The following CTNNA3 variants were observed in gnomAD, a reference collection of about 807,000 sequenced individuals.
The protein encoded by CTNNA3 is catenin alpha-3.
Under a neutral mutation model 95.7 loss-of-function variants are expected in CTNNA3, and 76 were observed. The ratio of observed to expected loss-of-function variants is 0.79; its 90% CI spans 0.66 to 0.96. CTNNA3 has a LOEUF of 0.96. Among genes scored for constraint, CTNNA3 ranks in the 40% least tolerant of loss-of-function variants. CTNNA3 has a pLI of 0.00. For synonymous variants in CTNNA3, 431 were observed against 374.4 expected (o/e 1.15, Z -1.74); for missense variants, 1,191 against 1,089.8 (o/e 1.09, Z -1.31).
intron 16 of CTNNA3, among the ~76,000 whole-genome samples, chr10:65,969,339 A>G (rs2078047634): frequency 6.6e-6 from 1 of 152,186 alleles, no homozygotes; most frequent in Non-Finnish European, 1.5e-5. Context: ...GATGAGAAAG[A>G]ACCAGTGTAA....
chr10:67,054,236 T>C (rs1855287700), intron 7 of CTNNA3, among the ~76,000 whole-genome samples: 1 of 152,060 alleles, frequency 6.6e-6, no homozygotes, highest in Admixed American at 6.5e-5. Context: ...ACCCCAATAA[T>C]ATAAATTTGT....
intron 9 of CTNNA3, among the ~76,000 whole-genome samples, chr10:66,714,717 C>A (rs975017537): frequency 6.6e-6 from 1 of 152,128 alleles, no homozygotes; most frequent in African/African-American, 2.4e-5. Context: ...GTCAGAAGCT[C>A]TGGAGGTGGG....
intron 10 of CTNNA3, among the ~76,000 whole-genome samples, chr10:66,578,293 T>C (rs1843069414): frequency 6.6e-6 from 1 of 151,960 alleles, no homozygotes. Flanking sequence ...TCCTCTCTAT[T>C]TGGATGCCTT....
At chr10:66,325,771 G>A (rs1773043332) in intron 12 of CTNNA3, among the ~76,000 whole-genome samples, 2 of 152,058 alleles carry the variant, frequency 1.3e-5, no homozygotes, top group African/African-American at 4.8e-5. Context: ...ATCTAGGACT[G>A]AAAATTGTCT....
intron 5 of CTNNA3, among the ~76,000 whole-genome samples, chr10:67,516,317 C>T (rs1054782392): frequency 2.6e-5 from 4 of 152,192 alleles, no homozygotes; most frequent in African/African-American, 4.8e-5. Context: ...AGCTGATTCA[C>T]TACTTTTTTC....
chr10:67,577,587 G>A lies in CTNNA3; in HGVS notation c.292+29270C>T, dbSNP rs375702855. Reference sequence around the variant, plus strand: ...TGCCATTGCTTTTGGTGTTTTAGACGTGAAACACCCATGCCTATGTCCTGA... The same window carrying A: ...TGCCATTGCTTTTGGTGTTTTAGACATGAAACACCCATGCCTATGTCCTGA... On this transcript the variant is annotated intron_variant, in intron 3 of 17. Coordinates refer to ENST00000433211, the MANE Select transcript of CTNNA3 (RefSeq NM_013266.4). 1.2e-4 allele frequency among the ~76,000 whole-genome samples: 18 copies of A among 151,876 alleles called. No individual in the cohort carries two copies. In the East Asian group the frequency reaches 2.1e-3, roughly 18 times the overall value.
intron 13 of CTNNA3, among the ~76,000 whole-genome samples, chr10:66,212,128 T>C (rs1389207996): frequency 6.6e-6 from 1 of 151,838 alleles, no homozygotes; most frequent in African/African-American, 2.4e-5. Context: ...TAGCTAGGGT[T>C]GTAGGCACCC....
chr10:67,050,900 T>C (rs553484925), intron 7 of CTNNA3, among the ~76,000 whole-genome samples: 17 of 152,362 alleles, frequency 1.1e-4, no homozygotes, highest in African/African-American at 3.8e-4. Context: ...CAAATGATTC[T>C]TTATTTGCCA....
At chr10:66,739,943 G>T in intron 9 of CTNNA3, among the ~76,000 whole-genome samples, 1 of 152,082 alleles carries the variant, frequency 6.6e-6, no homozygotes, top group Non-Finnish European at 1.5e-5. Flanking sequence ...AAAACATGAA[G>T]AACAAAGCCC....
At chr10:66,110,913 C>A (rs2082098649) in intron 13 of CTNNA3, among the ~76,000 whole-genome samples, 1 of 152,136 alleles carries the variant, frequency 6.6e-6, no homozygotes, top group Non-Finnish European at 1.5e-5. Context: ...GGCTACAAAC[C>A]TGTATGGCAT....
At chr10:67,373,683 G>C (rs980214020) in intron 5 of CTNNA3, among the ~76,000 whole-genome samples, 1 of 152,108 alleles carries the variant, frequency 6.6e-6, no homozygotes, top group Non-Finnish European at 1.5e-5. Context: ...AAGCTACAGA[G>C]GAGTTGTATA....
At chr10:67,312,082 T>A (rs946427733) in intron 5 of CTNNA3, among the ~76,000 whole-genome samples, 2 of 151,276 alleles carry the variant, frequency 1.3e-5, no homozygotes, top group African/African-American at 4.8e-5. Flanking sequence ...TTACTTTTTT[T>A]TTTTTTTTGA....
chr10:67,423,096 C>T (rs1845804881), intron 5 of CTNNA3, among the ~76,000 whole-genome samples: 1 of 152,030 alleles, frequency 6.6e-6, no homozygotes, highest in Non-Finnish European at 1.5e-5. Flanking sequence ...ATAAGCCACC[C>T]AAACAATTAG....
chr10:67,557,803 A>T (rs1841312251), intron 3 of CTNNA3, among the ~76,000 whole-genome samples: 1 of 152,220 alleles, frequency 6.6e-6, no homozygotes, highest in South Asian at 2.1e-4. Context: ...TTCTAATGCC[A>T]CCATAGCTCT....
intron 5 of CTNNA3, among the ~76,000 whole-genome samples, chr10:67,503,701 A>T (rs1839304684): frequency 6.6e-6 from 1 of 152,200 alleles, no homozygotes; most frequent in Admixed American, 6.5e-5. Flanking sequence ...GGGTGATAAC[A>T]TCTATTCCAT....
intron 6 of CTNNA3, among the ~76,000 whole-genome samples, chr10:67,215,399 T>C (rs1864311267): frequency 6.6e-6 from 1 of 152,170 alleles, no homozygotes; most frequent in Admixed American, 6.6e-5. Flanking sequence ...ATGGCTTATT[T>C]GTGTGTCTTG....
intron 7 of CTNNA3, among the ~76,000 whole-genome samples, chr10:67,037,800 G>C (rs1447338710): frequency 6.6e-6 from 1 of 152,152 alleles, no homozygotes; most frequent in East Asian, 1.9e-4. Flanking sequence ...GGTAGTTACA[G>C]TCAGTGAGTT....
At chr10:67,540,701 C>T (rs992226112) in intron 3 of CTNNA3, among the ~76,000 whole-genome samples, 1 of 151,782 alleles carries the variant, frequency 6.6e-6, no homozygotes, top group African/African-American at 2.4e-5. Flanking sequence ...TATAAGAAAA[C>T]ATATTTTATA....
At chr10:65,967,598 C>T (rs1459109799) in intron 16 of CTNNA3, among the ~76,000 whole-genome samples, 1 of 152,152 alleles carries the variant, frequency 6.6e-6, no homozygotes, top group Non-Finnish European at 1.5e-5. Context: ...GCTGTGAATA[C>T]AACTGAAGCC....
Sources: allele counts gnomAD v4.1 joint callset (sites outside exome capture counted in the v4.1 genomes callset), GRCh38; gene constraint gnomAD v4.1.1; transcripts MANE v1.5; gene names NCBI Gene and HGNC (gene_info 2026-07-23, HGNC 2026-07-21).